The following HIKESHI variants were observed in gnomAD, a reference collection of about 807,000 sequenced individuals.
The protein encoded by HIKESHI is heat shock protein nuclear import factor hikeshi, also known as protein Hikeshi.
A neutral mutation model predicts 25.7 loss-of-function variants in HIKESHI; 13 were observed. That is an observed-to-expected ratio of 0.51 (90% CI 0.33 to 0.80). HIKESHI has a LOEUF of 0.80. Among genes scored for constraint, HIKESHI ranks in the 30% least tolerant of loss-of-function variants. The probability of loss-of-function intolerance (pLI) is 0.02; values close to 1 mark genes in which losing one functional copy is unlikely to be tolerated. For missense variants in HIKESHI, 174 were observed against 229.5 expected (o/e 0.76, Z 1.56); for synonymous variants, 76 against 78.7 (o/e 0.97, Z 0.18).
intron 2 of HIKESHI, among the ~76,000 whole-genome samples, chr11:86,321,744 G>A (rs1357667481): frequency 6.6e-6 from 1 of 152,074 alleles, no homozygotes; most frequent in African/African-American, 2.4e-5. Flanking sequence ...TGGCCAAGCT[G>A]GTCTCGAACT....
rs139667221 is a variant in HIKESHI at position 86,319,217 on chromosome 11, A to AATAT, written c.268+12758_268+12761dup. On this transcript the variant is annotated intron_variant, in intron 2 of 4. Coordinates refer to ENST00000278483, the MANE Select transcript of HIKESHI (RefSeq NM_016401.4). The stretch of plus-strand genomic sequence containing the variant: ...CATGAGCTACTGTGCCTGGCTTAAA[A>AATAT]ATATATATATATATATATATATATA... Among the ~76,000 whole-genome samples the AATAT allele has an allele frequency of 3.7e-3, 421 of 115,014 alleles. 2 individuals carry two copies. The highest frequency in any genetic ancestry group is 5.1e-3 in the Non-Finnish European group (300 of 59,202). 75.5% of individuals were successfully genotyped at this position (115,014 alleles called of 152,430 possible).
chr11:86,310,438 G>T (rs1351329201), intron 2 of HIKESHI, among the ~76,000 whole-genome samples: 3 of 152,216 alleles, frequency 2.0e-5, no homozygotes, highest in Non-Finnish European at 4.4e-5. Flanking sequence ...CTTTGCTGAA[G>T]TTGCTTATCA....
At chr11:86,315,509 C>CG (rs1336225521) in intron 2 of HIKESHI, among the ~76,000 whole-genome samples, 1 of 151,980 alleles carries the variant, frequency 6.6e-6, no homozygotes, top group African/African-American at 2.4e-5. Context: ...TTAGTAGAGT[C>CG]GGGGTTTCAC....
intron 2 of HIKESHI, among the ~76,000 whole-genome samples, chr11:86,318,221 G>T (rs538390681): frequency 1.1e-4 from 15 of 142,830 alleles, no homozygotes; most frequent in Non-Finnish European, 2.2e-4. Context: ...GGAGAATGGC[G>T]TGAACCCGGG....
intron 2 of HIKESHI, 66 bp from the exon 3 acceptor site, chr11:86,337,313 T>G: frequency 6.8e-7 from 1 of 1,461,890 alleles, no homozygotes; most frequent in Non-Finnish European, 9.2e-7. Context: ...CTTTATAAAT[T>G]TACAAAGGAA....
intron 2 of HIKESHI, among the ~76,000 whole-genome samples, chr11:86,315,402 C>T (rs1476951667): frequency 6.6e-6 from 1 of 151,886 alleles, no homozygotes; most frequent in Non-Finnish European, 1.5e-5. Context: ...CTCACCACAA[C>T]CTCCGCCTCC....
intron 2 of HIKESHI, among the ~76,000 whole-genome samples, chr11:86,328,903 GT>G (rs1331135355): frequency 2.7e-5 from 3 of 112,282 alleles, no homozygotes; most frequent in African/African-American, 3.4e-5. Context: ...TGTGTTTTGT[GT>G]TTTGTGTGTG....
chr11:86,320,231 T>C (rs1177535409), intron 2 of HIKESHI, among the ~76,000 whole-genome samples: 1 of 152,242 alleles, frequency 6.6e-6, no homozygotes, highest in Non-Finnish European at 1.5e-5. Flanking sequence ...CCAATTTTAA[T>C]TTTTCAGTTT....
intron 3 of HIKESHI, among the ~76,000 whole-genome samples, chr11:86,340,145 T>C (rs1296411423): frequency 6.6e-6 from 1 of 152,220 alleles, no homozygotes; most frequent in Non-Finnish European, 1.5e-5. Context: ...TAATCCAGTC[T>C]ATCATTGGTG....
chr11:86,339,283 C>T (rs1320609772), intron 3 of HIKESHI, among the ~76,000 whole-genome samples: 1 of 152,188 alleles, frequency 6.6e-6, no homozygotes, highest in African/African-American at 2.4e-5. Flanking sequence ...CTCCTGACCT[C>T]GTTATCCGCC....
intron 2 of HIKESHI, among the ~76,000 whole-genome samples, chr11:86,324,466 A>G (rs1947225811): frequency 6.6e-6 from 1 of 152,246 alleles, no homozygotes; most frequent in South Asian, 2.1e-4. Context: ...ATATATTTAG[A>G]GACTTAGAAC....
At chr11:86,319,449 G>T (rs1460114691) in intron 2 of HIKESHI, among the ~76,000 whole-genome samples, 1 of 149,564 alleles carries the variant, frequency 6.7e-6, no homozygotes, top group Non-Finnish European at 1.5e-5. Flanking sequence ...TAGAGATGGG[G>T]TTTTGCCATG....
chr11:86,323,646 G>C (rs891026335), intron 2 of HIKESHI, among the ~76,000 whole-genome samples: 1 of 152,226 alleles, frequency 6.6e-6, no homozygotes, highest in Admixed American at 6.5e-5. Flanking sequence ...TACAGGAGAT[G>C]CTTAGGGAAC....
chr11:86,308,238 A>T (rs1459446172), intron 2 of HIKESHI, among the ~76,000 whole-genome samples: 1 of 126,498 alleles, frequency 7.9e-6, no homozygotes, highest in Non-Finnish European at 1.6e-5. Flanking sequence ...AATATATATT[A>T]TATATAAAAT....
intron 2 of HIKESHI, among the ~76,000 whole-genome samples, chr11:86,311,239 C>T (rs572817811): frequency 3.2e-4 from 49 of 152,152 alleles, no homozygotes; most frequent in African/African-American, 1.1e-3. Flanking sequence ...AATTTCAGAG[C>T]CTGTTATTGG....
chr11:86,302,313 C>G lies in HIKESHI; in HGVS notation c.-136C>G. The G allele has an allele frequency of 9.5e-7, 1 of 1,049,526 alleles. No homozygotes were observed. Among genetic ancestry groups the G allele is most frequent in the Non-Finnish European group, 1.4e-6 (1 of 704,070 alleles). 65.0% of individuals were successfully genotyped at this position (1,049,526 alleles called of 1,614,324 possible). A position where few individuals can be genotyped will look rare whatever the true frequency, so the allele number is the denominator to read the frequency against. On this transcript the variant is annotated 5_prime_UTR_variant, in exon 1 of 5. Transcript: ENST00000278483. ...GGGCAGAGGCATTCTTGCCGCTGGCCCAGTCACTATGTAGTGGAGGGGCAG... is the reference window on the plus strand; with the variant it reads ...GGGCAGAGGCATTCTTGCCGCTGGCGCAGTCACTATGTAGTGGAGGGGCAG...
At chr11:86,318,326 C>A (rs1593831800) in intron 2 of HIKESHI, among the ~76,000 whole-genome samples, 1 of 86,402 alleles carries the variant, frequency 1.2e-5, no homozygotes, top group South Asian at 4.1e-4. Context: ...AAAAAAAATC[C>A]TGAATAGATG....
chr11:86,314,606 G>A (rs1946925751), intron 2 of HIKESHI, among the ~76,000 whole-genome samples: 1 of 152,028 alleles, frequency 6.6e-6, no homozygotes, highest in Non-Finnish European at 1.5e-5. Context: ...GGGTGACAGA[G>A]TGAGATTCCA....
chr11:86,331,306 T>C (rs1040801145), intron 2 of HIKESHI, among the ~76,000 whole-genome samples: 5 of 152,126 alleles, frequency 3.3e-5, no homozygotes, highest in African/African-American at 4.8e-5. Flanking sequence ...CTGGCCAACA[T>C]TGTGAAACCC....
Sources: allele counts gnomAD v4.1 joint callset (sites outside exome capture counted in the v4.1 genomes callset), GRCh38; gene constraint gnomAD v4.1.1; transcripts MANE v1.5; gene names NCBI Gene and HGNC (gene_info 2026-07-23, HGNC 2026-07-21).